Variants in AFF1 observed in about 807,000 individuals in gnomAD.
The protein encoded by AFF1 is AF4/FMR2 family member 1.
AFF1 carries 48 observed loss-of-function variants against 121.7 expected under a neutral mutation model. The ratio of observed to expected loss-of-function variants is 0.39; its 90% CI spans 0.31 to 0.50. The LOEUF is 0.50. AFF1 is among the 20% of genes least tolerant of loss of function. AFF1 has a pLI of 0.76. For synonymous variants in AFF1, 613 were observed against 563.0 expected (o/e 1.09, Z -1.26); for missense variants, 1,523 against 1,511.7 (o/e 1.01, Z -0.12).
chr4:86,992,065 T>C (rs765454000), intron 2 of AFF1, among the ~76,000 whole-genome samples: 3 of 152,124 alleles, frequency 2.0e-5, no homozygotes, highest in Non-Finnish European at 4.4e-5. Flanking sequence ...GGAAAAGTGA[T>C]TTTCCAAAGG....
At chr4:87,086,637 C>T (rs114565305) in intron 5 of AFF1, among the ~76,000 whole-genome samples, 1,867 of 152,208 alleles carry the variant, frequency 0.012, 14 homozygotes, top group Middle Eastern at 0.037. Flanking sequence ...AGTTATAGGT[C>T]GCTGCTGGGC....
intron 2 of AFF1, among the ~76,000 whole-genome samples, chr4:87,036,159 T>A (rs1219726812): frequency 6.6e-6 from 1 of 152,180 alleles, no homozygotes; most frequent in Non-Finnish European, 1.5e-5. Context: ...GAGACATAAA[T>A]AACTAGTCAG....
At chr4:87,068,552 A>G (rs1721624467) in intron 4 of AFF1, among the ~76,000 whole-genome samples, 1 of 152,204 alleles carries the variant, frequency 6.6e-6, no homozygotes, top group Non-Finnish European at 1.5e-5. Flanking sequence ...GACGGGAGGT[A>G]TGGAGGCATT....
At chr4:87,031,728 G>GT (rs1200996931) in intron 2 of AFF1, among the ~76,000 whole-genome samples, 1 of 152,174 alleles carries the variant, frequency 6.6e-6, no homozygotes, top group East Asian at 1.9e-4. Flanking sequence ...TTGTCACAGT[G>GT]TATCTGGTGG....
intron 2 of AFF1, among the ~76,000 whole-genome samples, chr4:87,029,633 T>C (rs1006002701): frequency 1.3e-5 from 2 of 152,146 alleles, no homozygotes; most frequent in African/African-American, 4.8e-5. Context: ...ACTCCCAGAG[T>C]GTCTCCTAGT....
chr4:86,945,319 C>CTTTTTTTTTTTTTTTTTT (rs72025655), intron 1 of AFF1, among the ~76,000 whole-genome samples: 1 of 111,692 alleles, frequency 9.0e-6, no homozygotes, highest in African/African-American at 4.3e-5. Flanking sequence ...TTTTCTTTTC[C>CTTTTTTTTTTTTTTTTTT]TTTTTTTTTT....
chr4:87,061,725 G>A (rs1440241884), intron 4 of AFF1, among the ~76,000 whole-genome samples: 4 of 152,068 alleles, frequency 2.6e-5, no homozygotes, highest in Non-Finnish European at 4.4e-5. Flanking sequence ...TGTTCTCTCC[G>A]TCAATTCAAG....
At chr4:87,117,863 T>C (rs1727284978) in intron 12 of AFF1, among the ~76,000 whole-genome samples, 1 of 152,188 alleles carries the variant, frequency 6.6e-6, no homozygotes, top group South Asian at 2.1e-4. Flanking sequence ...CCTTCCTCAT[T>C]AGCGCCCTGA....
intron 16 of AFF1, 107 bp from the exon 17 acceptor site, chr4:87,130,976 C>A: frequency 7.1e-7 from 1 of 1,409,586 alleles, no homozygotes; most frequent in Non-Finnish European, 9.7e-7. Flanking sequence ...TCTCCCTGGC[C>A]ATAATTAAAC....
At chr4:87,029,550 A>C (rs1304617578) in intron 2 of AFF1, among the ~76,000 whole-genome samples, 4 of 152,156 alleles carry the variant, frequency 2.6e-5, no homozygotes, top group African/African-American at 9.7e-5. Flanking sequence ...CATATTTTCC[A>C]AAAACCACAC....
intron 8 of AFF1, among the ~76,000 whole-genome samples, chr4:87,096,057 C>T (rs1200684594): frequency 6.6e-6 from 1 of 152,162 alleles, no homozygotes; most frequent in East Asian, 1.9e-4. Context: ...CTCGCCATGA[C>T]TAAATGTGGG....
In AFF1 at chr4:87,135,851, A is replaced by G; in HGVS notation, c.*150A>G. ...GGACATTTGTCCACTTAAACTCTCA[A>G]CAACAGTGTGATCATTGGTTGGACA... On this transcript the variant is annotated 3_prime_UTR_variant, in exon 21 of 21. Transcript: ENST00000395146. 8.1e-7 allele frequency: 1 copy of G among 1,227,586 alleles called. No homozygotes were observed. The highest frequency in any genetic ancestry group is 2.7e-5 in the East Asian group (1 of 37,320). The allele number at this position is 1,227,586 out of a possible 1,614,324, so 76.0% of individuals were successfully genotyped here.
chr4:87,111,598 C>T (rs1393352523), intron 11 of AFF1, among the ~76,000 whole-genome samples: 1 of 152,126 alleles, frequency 6.6e-6, no homozygotes, highest in African/African-American at 2.4e-5. Flanking sequence ...AAGTGATCCA[C>T]CCACCTCGGC....
chr4:87,125,232 G>T, intron 13 of AFF1, 89 bp downstream of exon 13: 1 of 862,668 alleles, frequency 1.2e-6, no homozygotes, highest in Non-Finnish European at 1.7e-6. Flanking sequence ...TTCTGCACTA[G>T]AATCAGTGGA....
At chr4:87,097,830 G>A (rs1449054726) in intron 8 of AFF1, among the ~76,000 whole-genome samples, 1 of 152,120 alleles carries the variant, frequency 6.6e-6, no homozygotes, top group Non-Finnish European at 1.5e-5. Context: ...AGAAGAAAGT[G>A]GTGTCCCAAA....
intron 4 of AFF1, among the ~76,000 whole-genome samples, chr4:87,080,612 A>C (rs1356439652): frequency 6.6e-6 from 1 of 152,192 alleles, no homozygotes; most frequent in East Asian, 1.9e-4. Flanking sequence ...AGGTAGGAGG[A>C]TGACTTGAGC....
chr4:87,003,122 C>T (rs1725850392), intron 2 of AFF1, among the ~76,000 whole-genome samples: 1 of 152,160 alleles, frequency 6.6e-6, no homozygotes, highest in Admixed American at 6.5e-5. Flanking sequence ...AATCTAGTAT[C>T]ATCCCACTTG....
At chr4:87,070,148 C>G (rs1721879703) in intron 4 of AFF1, among the ~76,000 whole-genome samples, 3 of 152,202 alleles carry the variant, frequency 2.0e-5, no homozygotes, top group African/African-American at 7.2e-5. Flanking sequence ...GGATTACAGG[C>G]CTGCGCCACC....
At chr4:87,025,138 A>G (rs1342437173) in intron 2 of AFF1, among the ~76,000 whole-genome samples, 3 of 152,108 alleles carry the variant, frequency 2.0e-5, no homozygotes, top group African/African-American at 7.2e-5. Context: ...TTAGGGAGGA[A>G]AGGGATGTAA....
Sources: gnomAD v4.1 joint callset for allele counts (sites outside exome capture counted in the v4.1 genomes callset) on GRCh38, gnomAD v4.1.1 for gene constraint, MANE v1.5 for transcripts, NCBI Gene and HGNC (gene_info 2026-07-23, HGNC 2026-07-21) for gene names.